ARHGAP35: variants seen among roughly 807,000 people sequenced by gnomAD.
ARHGAP35 encodes Rho GTPase activating protein 35, also known as rho GTPase-activating protein 35.
Under a neutral mutation model 111.1 loss-of-function variants are expected in ARHGAP35, and 15 were observed. The ratio of observed to expected loss-of-function variants is 0.13; its 90% CI spans 0.09 to 0.21. ARHGAP35 has a LOEUF of 0.21. Among genes scored for constraint, ARHGAP35 ranks in the 10% least tolerant of loss-of-function variants. The probability of loss-of-function intolerance (pLI) is 1.00; values close to 1 mark genes in which losing one functional copy is unlikely to be tolerated. For synonymous variants in ARHGAP35, 643 were observed against 710.3 expected (o/e 0.91, Z 1.51); for missense variants, 1,262 against 1,873.0 (o/e 0.67, Z 6.02).
chr19:46,919,800 A>G lies in ARHGAP35; in HGVS notation c.1125A>G (p.Glu375=). ...KAKKLLETKP[E]FLKWFVVLEE... is the part of the protein sequence containing the mutation. ...AAAAGCTCTTAGAAACCAAGCCAGAATTCTTGAAGTGGTTTGTTGTGCTTG... is the reference window on the plus strand; with the variant it reads ...AAAAGCTCTTAGAAACCAAGCCAGAGTTCTTGAAGTGGTTTGTTGTGCTTG... The change falls in exon 2 of 7, where the codon GAA becomes GAG. Residue 375 remains glutamate, a synonymous_variant. Coordinates refer to ENST00000672722, the MANE Select transcript of ARHGAP35 (RefSeq NM_004491.5). The surrounding 1 kb of genome is among the most constrained non-coding windows in gnomAD (Gnocchi z 6.2). 1 of 1,614,040 alleles carries G rather than the reference A, an allele frequency of 6.2e-7. No homozygotes were observed. The highest frequency in any genetic ancestry group is 8.5e-7 in the Non-Finnish European group (1 of 1,179,902).
At position 46,987,302 on chromosome 19, in the gene ARHGAP35, G is replaced by A. The variant is rs554363149; in HGVS notation, c.3827-687G>A. On this transcript the variant is annotated intron_variant, in intron 3 of 6. Coordinates refer to ENST00000672722, the MANE Select transcript of ARHGAP35 (RefSeq NM_004491.5). ...GCAATCTCAGCTCACTGCAACCTCC[G>A]CTTCCTGGGTTCAAGCAATTCTCCT... Among the ~76,000 whole-genome samples, 172 of 135,108 alleles carry A rather than the reference G, an allele frequency of 1.3e-3. 2 individuals carry two copies. The highest frequency in any genetic ancestry group is 4.9e-4 in the Non-Finnish European group (32 of 65,480). 88.6% of individuals were successfully genotyped at this position (135,108 alleles called of 152,430 possible).
intron 3 of ARHGAP35, among the ~76,000 whole-genome samples, chr19:46,953,130 G>A (rs2056421704): frequency 6.6e-6 from 1 of 152,166 alleles, no homozygotes; most frequent in South Asian, 2.1e-4. Context: ...TTAAGATGCT[G>A]GTGATACAGC....
At chr19:46,959,889 G>A (rs1047186932) in intron 3 of ARHGAP35, among the ~76,000 whole-genome samples, 1 of 151,780 alleles carries the variant, frequency 6.6e-6, no homozygotes, top group Non-Finnish European at 1.5e-5. Flanking sequence ...CTTGAGCCTA[G>A]GAGTTCGAGA....
intron 1 of ARHGAP35, among the ~76,000 whole-genome samples, chr19:46,863,340 T>C (rs556592830): frequency 2.0e-5 from 3 of 152,066 alleles, no homozygotes; most frequent in South Asian, 2.1e-4. Flanking sequence ...TAGGTGGGGG[T>C]TGGTTGATTG....
intron 3 of ARHGAP35, among the ~76,000 whole-genome samples, chr19:46,950,743 C>G (rs1309792262): frequency 6.6e-6 from 1 of 152,180 alleles, no homozygotes; most frequent in East Asian, 1.9e-4. Context: ...CGCTGTGGCT[C>G]TCTCTGTGGT....
At chr19:46,991,311 T>G (rs890380036) in intron 5 of ARHGAP35, among the ~76,000 whole-genome samples, 1 of 152,232 alleles carries the variant, frequency 6.6e-6, no homozygotes, top group African/African-American at 2.4e-5. Context: ...AATTCCTGTC[T>G]GCATTTGTCT....
At chr19:46,893,423 C>T (rs1031330325) in intron 1 of ARHGAP35, among the ~76,000 whole-genome samples, 1 of 152,094 alleles carries the variant, frequency 6.6e-6, no homozygotes, top group Admixed American at 6.5e-5. Context: ...TGCCACCAGA[C>T]AAGACCCCTT....
chr19:46,862,660 T>C (rs2055835215), intron 1 of ARHGAP35, among the ~76,000 whole-genome samples: 1 of 152,232 alleles, frequency 6.6e-6, no homozygotes, highest in Non-Finnish European at 1.5e-5. Flanking sequence ...GCTGTCCACT[T>C]GCCCGCATAT....
At chr19:46,966,370 G>A (rs943796353) in intron 3 of ARHGAP35, among the ~76,000 whole-genome samples, 6 of 152,076 alleles carry the variant, frequency 3.9e-5, no homozygotes, top group South Asian at 2.1e-4. Flanking sequence ...GCAACATATC[G>A]AGACTCTGTC....
chr19:46,931,670 T>A (rs912345189), intron 2 of ARHGAP35, among the ~76,000 whole-genome samples: 5 of 152,314 alleles, frequency 3.3e-5, no homozygotes, highest in Non-Finnish European at 4.4e-5. Context: ...TTCATTTTTT[T>A]AAAATCAGTC....
intron 1 of ARHGAP35, among the ~76,000 whole-genome samples, chr19:46,874,077 T>C (rs997786477): frequency 3.3e-5 from 5 of 152,162 alleles, no homozygotes; most frequent in Middle Eastern, 6.3e-3. Flanking sequence ...TTTCCCAAAG[T>C]CCTGTTTTGA....
intron 1 of ARHGAP35, among the ~76,000 whole-genome samples, chr19:46,881,267 G>C (rs1319728923): frequency 6.6e-6 from 1 of 152,136 alleles, no homozygotes; most frequent in Admixed American, 6.6e-5. Flanking sequence ...TGGGATCATG[G>C]GATCTAGAAT....
chr19:46,983,054 CAAAAAAAAAAAAAAAAA>C (rs71179281), intron 3 of ARHGAP35, among the ~76,000 whole-genome samples: 1 of 47,644 alleles, frequency 2.1e-5, no homozygotes, highest in Non-Finnish European at 3.4e-5. Context: ...ACCTTGTGTA[CAAAAAAAAAAAAAAAAA>C]AAAAAAAAAA....
intron 1 of ARHGAP35, among the ~76,000 whole-genome samples, chr19:46,868,811 CAATTAAAAAATAAA>C (rs2055871782): frequency 7.0e-6 from 1 of 142,366 alleles, no homozygotes; most frequent in Admixed American, 7.2e-5. Flanking sequence ...TGCCAATTTA[CAATTAAAAAATAAA>C]AATTAAAAGA....
intron 1 of ARHGAP35, among the ~76,000 whole-genome samples, chr19:46,895,785 T>TA (rs1599804411): frequency 6.6e-6 from 1 of 152,118 alleles, no homozygotes; most frequent in Non-Finnish European, 1.5e-5. Context: ...AGAGAATACT[T>TA]ACCCTTCCCG....
At chr19:46,971,449 G>C (rs911974020) in intron 3 of ARHGAP35, among the ~76,000 whole-genome samples, 1 of 151,868 alleles carries the variant, frequency 6.6e-6, no homozygotes, top group East Asian at 1.9e-4. Context: ...GGGGTATCAG[G>C]GTGTAATGAC....
Position 46,919,331 on chromosome 19 carries a change from G to A in ARHGAP35, c.656G>A (p.Ser219Asn). 6.2e-7 allele frequency: 1 copy of A among 1,613,996 alleles called. No homozygotes were observed. Among genetic ancestry groups the A allele is most frequent in the Non-Finnish European group, 8.5e-7 (1 of 1,179,892 alleles). The change falls in exon 2 of 7, where the codon AGC (serine) becomes AAC (asparagine). Residue 219 changes from serine (S) to asparagine (N), a missense_variant. By Grantham distance (46) the Ser-to-Asn change is conservative. Coordinates refer to ENST00000672722, the MANE Select transcript of ARHGAP35 (RefSeq NM_004491.5). This position sits in a 1 kb window ranked among gnomAD's most constrained non-coding sequence, Gnocchi z 6.2. ...YIRDAHTFALSKKNLQVVETS... is the reference protein window; with the variant it reads ...YIRDAHTFALNKKNLQVVETS... Reference sequence around the variant, plus strand: ...AGAGATGCACATACTTTTGCCTTAAGCAAAAAGAACCTCCAGGTTGTGGAG... The same window carrying A: ...AGAGATGCACATACTTTTGCCTTAAACAAAAAGAACCTCCAGGTTGTGGAG...
At chr19:46,998,979 G>C (rs1425338345) in intron 5 of ARHGAP35, 1 of 284,686 alleles carries the variant, frequency 3.5e-6, no homozygotes, top group African/African-American at 2.2e-5. Flanking sequence ...CCTGTCTCCA[G>C]GGGCAACCGG....
rs1051028994 is a variant in ARHGAP35, at chr19:46,875,637, C to G, written c.-189+14428C>G. On this transcript the variant is annotated intron_variant, in intron 1 of 6. Coordinates refer to ENST00000672722, the MANE Select transcript of ARHGAP35 (RefSeq NM_004491.5). Reference sequence around the variant, plus strand: ...TGGGCTTAAATACCTATTTTGCTTGCCACAGTCTTTTTATTTTTATTTTTT... The same window carrying G: ...TGGGCTTAAATACCTATTTTGCTTGGCACAGTCTTTTTATTTTTATTTTTT... 3.9e-5 allele frequency among the ~76,000 whole-genome samples: 6 copies of G among 152,124 alleles called. No homozygotes were observed. The East Asian group carries it at 1.2e-3, about 29-fold the overall frequency.
Sources: allele counts gnomAD v4.1 joint callset (sites outside exome capture counted in the v4.1 genomes callset), GRCh38; gene constraint gnomAD v4.1.1; non-coding constraint Gnocchi (gnomAD v3.1); transcripts MANE v1.5; gene names NCBI Gene and HGNC (gene_info 2026-07-23, HGNC 2026-07-21).